Variants in MAB21L1 observed in about 807,000 individuals in gnomAD.
MAB21L1 encodes the protein mab-21 like 1.
MAB21L1 carries 8 observed loss-of-function variants against 28.9 expected under a neutral mutation model. That is an observed-to-expected ratio of 0.28 (90% confidence interval 0.16 to 0.50). The LOEUF (loss-of-function observed/expected upper bound fraction) is 0.50. MAB21L1 is among the 20% of genes least tolerant of loss of function. MAB21L1 has a pLI of 0.98. For synonymous variants in MAB21L1, 219 were observed against 198.2 expected, an observed-to-expected ratio of 1.10 and a Z score of -0.88; for missense variants, 388 against 466.5, an observed-to-expected ratio of 0.83 and a Z score of 1.55.
chr13:35,475,411 A>G lies in MAB21L1; in HGVS notation c.728T>C (p.Met243Thr), dbSNP rs535048596. 7 of 1,613,468 alleles carry G rather than the reference A, an allele frequency of 4.3e-6. No homozygotes were observed. The highest frequency in any genetic ancestry group is 3.3e-5 in the South Asian group (3 of 91,044). The change falls in exon 1 of 1, where the codon ATG becomes ACG. Residue 243 changes from methionine (M) to threonine (T), a missense_variant. Physicochemically the swap from Met to Thr is moderately conservative, Grantham distance 81 (BLOSUM62 -1). Transcript: ENST00000379919. ...QFAEAENRLQ[M>T]GGCRKKCLSI... ...GAGGCACTTCTTTCTGCAGCCCCCC[A>G]TCTGCAGTCTGTTCTCTGCCTCCGC...
In MAB21L1 at chr13:35,475,764, C is replaced by T. The variant is rs1162172128; in HGVS notation, c.375G>A (p.Ala125=). 1.9e-6 allele frequency: 3 copies of T among 1,613,936 alleles called. No individual in the cohort carries two copies. In the Admixed American group the frequency reaches 5.0e-5, roughly 27 times the overall value. ...TCTGAAACCTGGACCGGATTTTGCGCGCCGAGAGGTAGCCGGAGGCGGTAA... is the reference window on the plus strand; with the variant it reads ...TCTGAAACCTGGACCGGATTTTGCGTGCCGAGAGGTAGCCGGAGGCGGTAA... The part of the protein sequence containing the change: ...EFITASGYLS[A]RKIRSRFQTL... The change falls in exon 1 of 1, where the codon GCG becomes GCA. Residue 125 remains alanine (A), a synonymous_variant. Coordinates refer to ENST00000379919, the MANE Select transcript of MAB21L1 (RefSeq NM_005584.5).
rs1168922833 is a variant in MAB21L1 at position 35,475,468 on chromosome 13, G to A, written c.671C>T (p.Ser224Leu). 6.2e-7 allele frequency: 1 copy of A among 1,612,438 alleles called. No individual in the cohort carries two copies. The highest frequency in any genetic ancestry group is 8.5e-7 in the Non-Finnish European group (1 of 1,179,894). The change falls in exon 1 of 1, where the codon TCG (serine) becomes TTG (leucine). Residue 224 changes from serine (S) to leucine (L), a missense_variant. By Grantham distance (145) the Ser-to-Leu change is moderately radical (BLOSUM62 -2). This residue lies in a region of MAB21L1 where 218 missense variants were observed against 220.6 expected (regional missense o/e 0.99). Coordinates refer to ENST00000379919, the MANE Select transcript of MAB21L1 (RefSeq NM_005584.5). ...CAGCACCCAGGCGTCGCTCTCCGCCGAGCTCTGCTTGCCGGCCAAGGAGTG... is the reference window on the plus strand; with the variant it reads ...CAGCACCCAGGCGTCGCTCTCCGCCAAGCTCTGCTTGCCGGCCAAGGAGTG... The part of the protein sequence containing the change: ...ECHSLAGKQS[S>L]AESDAWVLQF...
chr13:35,474,771 C>G lies in MAB21L1; in HGVS notation c.*288G>C. 3.0e-6 allele frequency: 1 copy of G among 328,640 alleles called. No homozygotes were observed. Among genetic ancestry groups the G allele is most frequent in the East Asian group, 5.6e-5 (1 of 17,894 alleles). The allele number at this position is 328,640 out of a possible 1,614,324, so 20.4% of individuals were successfully genotyped here. A position where few individuals can be genotyped will look rare whatever the true frequency, so the allele number is the denominator to read the frequency against. ...TGTTCGTCTCGGTCTGGCGTTACAG[C>G]TGGGCTGTTTACGGAGTGTTACGGT... On this transcript the variant is annotated 3_prime_UTR_variant, in exon 1 of 1. Coordinates refer to ENST00000379919, the MANE Select transcript of MAB21L1 (RefSeq NM_005584.5).
Position 35,475,973 on chromosome 13 carries a change from G to T in MAB21L1, c.166C>A (p.Leu56Ile). The T allele has an allele frequency of 7.4e-6, 12 of 1,614,214 alleles. No individual in the cohort carries two copies. Among genetic ancestry groups the T allele is most frequent in the Non-Finnish European group, 1.0e-5 (12 of 1,180,036 alleles). ...TCGTAGCGATTGTCCATCTCGTTGA[G>T]AGAGCTGATGAACCGCGGCTCCTGC... ...EVQEPRFISS[L>I]NEMDNRYEGL... The change falls in exon 1 of 1, where the codon CTC becomes ATC. Residue 56 changes from leucine to isoleucine, a missense_variant. This residue lies in a region of MAB21L1 where 89 missense variants were observed against 92.2 expected (regional missense o/e 0.97). Transcript: ENST00000379919.
rs1566189822 is a variant in MAB21L1 at position 35,475,679 on chromosome 13, C to CTGCCACCATCTT, written c.448_459dup (p.Lys150_Ala153dup). 6.2e-7 allele frequency: 1 copy of CTGCCACCATCTT among 1,613,908 alleles called. No homozygotes were observed. The highest frequency in any genetic ancestry group is 1.7e-5 in the Admixed American group (1 of 60,000). On this transcript the variant is annotated inframe_insertion, in exon 1 of 1. Transcript: ENST00000379919. ...ATTCTCAGTTTCACTTCGCTGGTGT[C>CTGCCACCATCTT]TGCCACCATCTTTACCACATCCCGG...
rs201074276 is a variant in MAB21L1 at position 35,475,659 on chromosome 13, C to G, written c.480G>C (p.Leu160=). 6.2e-6 allele frequency: 10 copies of G among 1,613,920 alleles called. No homozygotes were observed. Among genetic ancestry groups the G allele is most frequent in the Non-Finnish European group, 6.8e-6 (8 of 1,179,996 alleles). ...KMVADTSEVK[L]RIRDRYVVQI... The stretch of plus-strand genomic sequence containing the variant: ...GCACCACGTACCTATCTCGGATTCT[C>G]AGTTTCACTTCGCTGGTGTCTGCCA... The change falls in exon 1 of 1, where the codon CTG becomes CTC. Residue 160 remains leucine, a synonymous_variant. Coordinates refer to ENST00000379919, the MANE Select transcript of MAB21L1 (RefSeq NM_005584.5).
rs148963167 is a variant in MAB21L1 at position 35,475,729 on chromosome 13, G to T, written c.410C>A (p.Ala137Asp). 1 of 1,613,750 alleles carries T rather than the reference G, an allele frequency of 6.2e-7. No homozygotes were observed. The highest frequency in any genetic ancestry group is 1.3e-5 in the African/African-American group (1 of 74,844). The change falls in exon 1 of 1, where the codon GCT (alanine) becomes GAT (aspartate). Residue 137 changes from alanine to aspartate, a missense_variant. By Grantham distance (126) the Ala-to-Asp change is moderately radical. Around this residue, in one of 3 missense-constraint regions of MAB21L1, gnomAD observed 81 missense variants for 153.7 expected, o/e 0.53. Coordinates refer to ENST00000379919, the MANE Select transcript of MAB21L1 (RefSeq NM_005584.5). ...KIRSRFQTLV[A>D]QAVDKCSYRD... Reference sequence around the variant, plus strand: ...GTAGCTACATTTGTCTACCGCTTGAGCCACCAGCGTCTGAAACCTGGACCG... The same window carrying T: ...GTAGCTACATTTGTCTACCGCTTGATCCACCAGCGTCTGAAACCTGGACCG...
rs139304367 is a variant in MAB21L1 at position 35,476,018 on chromosome 13, C to G, written c.121G>C (p.Val41Leu). ...IREVCKVVSD[V>L]LKEVEVQEPR... is the part of the protein sequence containing the mutation. ...TCCTGCACTTCCACTTCCTTCAGTA[C>G]GTCGGAAACTACTTTGCAGACTTCC... is the stretch of plus-strand genomic sequence containing the variant. The change falls in exon 1 of 1, where the codon GTA becomes CTA. Residue 41 changes from valine to leucine, a missense_variant. Val to Leu is a conservative substitution (Grantham distance 32, BLOSUM62 1). This residue lies in a region of MAB21L1 where 89 missense variants were observed against 92.2 expected (regional missense o/e 0.97). Coordinates refer to ENST00000379919, the MANE Select transcript of MAB21L1 (RefSeq NM_005584.5). The G allele has an allele frequency of 1.9e-6, 3 of 1,614,202 alleles. No homozygotes were observed. The highest frequency in any genetic ancestry group is 2.5e-6 in the Non-Finnish European group (3 of 1,180,042).
Position 35,474,885 on chromosome 13 carries a change from T to A in MAB21L1, c.*174A>T. The A allele has an allele frequency of 2.5e-6, 2 of 790,134 alleles. No homozygotes were observed. Among genetic ancestry groups the A allele is most frequent in the Non-Finnish European group, 3.9e-6 (2 of 514,226 alleles). The allele number at this position is 790,134 out of a possible 1,614,324, so 48.9% of individuals were successfully genotyped here. Reference sequence around the variant, plus strand: ...TTTTTCTCCATCCGCTTCCCCTACTTTTTCTCCCCTTGTGGGGGTGGGTGA... The same window carrying A: ...TTTTTCTCCATCCGCTTCCCCTACTATTTCTCCCCTTGTGGGGGTGGGTGA... On this transcript the variant is annotated 3_prime_UTR_variant, in exon 1 of 1. Coordinates refer to ENST00000379919, the MANE Select transcript of MAB21L1 (RefSeq NM_005584.5).
At position 35,476,100 on chromosome 13, in the gene MAB21L1, A is replaced by G; in HGVS notation, c.39T>C (p.Asn13=). The part of the protein sequence containing the change: ...AAQAKLVYHL[N]KYYNEKCQAR... ...CTTGGCATTTTTCGTTGTAGTATTT[A>G]TTCAGATGGTAGACCAGCTTGGCCT... Residue 13 remains asparagine (N), a synonymous_variant, in exon 1 of 1, where the codon AAT becomes AAC. Transcript: ENST00000379919. The G allele has an allele frequency of 6.2e-7, 1 of 1,614,182 alleles. No homozygotes were observed. The highest frequency in any genetic ancestry group is 1.1e-5 in the South Asian group (1 of 91,088).
rs1043512001 is a variant in MAB21L1, at chr13:35,476,117, G to A, written c.22C>T (p.Leu8=). MIAAQAK[L]VYHLNKYYNE... ...TAGTATTTATTCAGATGGTAGACCA[G>A]CTTGGCCTGGGCCGCAATCATGTTG... The change falls in exon 1 of 1, where the codon CTG becomes TTG. Residue 8 remains leucine, a synonymous_variant. Coordinates refer to ENST00000379919, the MANE Select transcript of MAB21L1 (RefSeq NM_005584.5). The A allele has an allele frequency of 7.4e-6, 12 of 1,614,054 alleles. No homozygotes were observed. The African/African-American group carries it at 1.2e-4, about 16-fold the overall frequency.
rs2075774924 is a variant in MAB21L1 at position 35,474,368 on chromosome 13, A to G, written c.*691T>C. ...AAGCTGAATTCAAATTTCTTTGAAT[A>G]TATTTAAATAACATTTCAAGTATAT... On this transcript the variant is annotated 3_prime_UTR_variant, in exon 1 of 1. Coordinates refer to ENST00000379919, the MANE Select transcript of MAB21L1 (RefSeq NM_005584.5). 2 of 152,596 alleles carry G rather than the reference A, an allele frequency of 1.3e-5. No homozygotes were observed. The highest frequency in any genetic ancestry group is 4.8e-5 in the African/African-American group (2 of 41,446). 9.5% of individuals were successfully genotyped at this position (152,596 alleles called of 1,614,324 possible).
Position 35,473,834 on chromosome 13 carries a change from C to A in MAB21L1, c.*1225G>T, listed in dbSNP as rs934925617. 6.6e-6 allele frequency among the ~76,000 whole-genome samples: 1 copy of A among 152,096 alleles called. No homozygotes were observed. The highest frequency in any genetic ancestry group is 2.4e-5 in the African/African-American group (1 of 41,432). On this transcript the variant is annotated 3_prime_UTR_variant, in exon 1 of 1. Coordinates refer to ENST00000379919, the MANE Select transcript of MAB21L1 (RefSeq NM_005584.5). ...TTTATTAGTTTTCATACATAATTTT[C>A]GAAGTTTCATTATGACTTTGTTAAG...
At position 35,476,688 on chromosome 13, in the gene MAB21L1, C is replaced by A; in HGVS notation, c.-550G>T. 1 of 967,798 alleles carries A rather than the reference C, an allele frequency of 1.0e-6. No homozygotes were observed. The highest frequency in any genetic ancestry group is 1.3e-6 in the Non-Finnish European group (1 of 752,992). 60.0% of individuals were successfully genotyped at this position (967,798 alleles called of 1,614,324 possible). A position where few individuals can be genotyped will look rare whatever the true frequency, so the allele number is the denominator to read the frequency against. Reference sequence around the variant, plus strand: ...TCAGAAGAAGCTGCTGTTGGTTTGTCTAAGAGCCCAGATGCACTCGTGTGG... The same window carrying A: ...TCAGAAGAAGCTGCTGTTGGTTTGTATAAGAGCCCAGATGCACTCGTGTGG... On this transcript the variant is annotated 5_prime_UTR_variant, in exon 1 of 1. Transcript: ENST00000379919.
In MAB21L1 at chr13:35,476,133, A is replaced by G. The variant is rs774235611; in HGVS notation, c.6T>C (p.Ile2=). M[I]AAQAKLVYHL... ...GGTAGACCAGCTTGGCCTGGGCCGC[A>G]ATCATGTTGGGGCAGAGATCCGGAT... Residue 2 remains isoleucine (I), a synonymous_variant, in exon 1 of 1, where the codon ATT becomes ATC. Coordinates refer to ENST00000379919, the MANE Select transcript of MAB21L1 (RefSeq NM_005584.5). 2 of 1,613,904 alleles carry G rather than the reference A, an allele frequency of 1.2e-6. No individual in the cohort carries two copies. Among genetic ancestry groups the G allele is most frequent in the Non-Finnish European group, 1.7e-6 (2 of 1,179,924 alleles).
Position 35,475,094 on chromosome 13 carries a change from T to G in MAB21L1, c.1045A>C (p.Ile349Leu). The change falls in exon 1 of 1, where the codon ATC becomes CTC. Residue 349 changes from isoleucine to leucine, a missense_variant. By Grantham distance (5) the Ile-to-Leu change is conservative (BLOSUM62 2). Around this residue, in one of 3 missense-constraint regions of MAB21L1, gnomAD observed 218 missense variants for 220.6 expected, o/e 0.99. Transcript: ENST00000379919. ...TCCAAACTTTTCGGGTTGGTCAGGA[T>G]CTCTCTTGCCAGTCGCCACGTTTGT... Reference protein sequence around the residue: ...AKQTWRLAREILTNPKSLEKL With the variant: ...AKQTWRLARELLTNPKSLEKL 6.2e-7 allele frequency: 1 copy of G among 1,614,058 alleles called. No homozygotes were observed. Among genetic ancestry groups the G allele is most frequent in the Non-Finnish European group, 8.5e-7 (1 of 1,179,980 alleles).
Position 35,476,278 on chromosome 13 carries a change from T to A in MAB21L1, c.-140A>T. On this transcript the variant is annotated 5_prime_UTR_variant, in exon 1 of 1. Transcript: ENST00000379919. ...ATGGATCAAAAATGCCTTTCGGAAG[T>A]GCTGCAGCGTTGGTTTCCCTGCTGC... is the stretch of plus-strand genomic sequence containing the variant. 1 of 1,407,540 alleles carries A rather than the reference T, an allele frequency of 7.1e-7. No homozygotes were observed. 87.2% of individuals were successfully genotyped at this position (1,407,540 alleles called of 1,614,324 possible).
At position 35,474,748 on chromosome 13, in the gene MAB21L1, T is replaced by A; in HGVS notation, c.*311A>T. The A allele has an allele frequency of 3.6e-6, 1 of 277,826 alleles. No individual in the cohort carries two copies. The highest frequency in any genetic ancestry group is 7.6e-5 in the South Asian group (1 of 13,140). 17.2% of individuals were successfully genotyped at this position (277,826 alleles called of 1,614,324 possible). On this transcript the variant is annotated 3_prime_UTR_variant, in exon 1 of 1. Coordinates refer to ENST00000379919, the MANE Select transcript of MAB21L1 (RefSeq NM_005584.5). ...AATCCTTTGATAGTTAGGCAGAGTG[T>A]TCGTCTCGGTCTGGCGTTACAGCTG...
In MAB21L1 at chr13:35,475,419, T is replaced by A. The variant is rs2075820565; in HGVS notation, c.720A>T (p.Arg240Ser). The A allele has an allele frequency of 6.2e-7, 1 of 1,613,522 alleles. No individual in the cohort carries two copies. Among genetic ancestry groups the A allele is most frequent in the South Asian group, 1.1e-5 (1 of 91,042 alleles). Residue 240 changes from arginine to serine, a missense_variant, in exon 1 of 1, where the codon AGA becomes AGT. Physicochemically the swap from Arg to Ser is moderately radical, Grantham distance 110. Transcript: ENST00000379919. ...TCTTTCTGCAGCCCCCCATCTGCAGTCTGTTCTCTGCCTCCGCGAACTGCA... is the reference window on the plus strand; with the variant it reads ...TCTTTCTGCAGCCCCCCATCTGCAGACTGTTCTCTGCCTCCGCGAACTGCA... ...WVLQFAEAEN[R>S]LQMGGCRKKC...
Sources: allele counts gnomAD v4.1 joint callset (sites outside exome capture counted in the v4.1 genomes callset), GRCh38; gene constraint gnomAD v4.1.1; regional missense constraint gnomAD v4.1.1; transcripts MANE v1.5; gene names NCBI Gene and HGNC (gene_info 2026-07-23, HGNC 2026-07-21).